Variants in PXDNL observed in about 807,000 individuals in gnomAD.
PXDNL encodes peroxidasin like, also known as probable oxidoreductase PXDNL.
Under a neutral mutation model 150.8 loss-of-function variants are expected in PXDNL, and 145 were observed. That is an observed-to-expected ratio of 0.96 (90% CI 0.84 to 1.10). PXDNL has a LOEUF of 1.10. PXDNL is among the 50% of genes least tolerant of loss of function. The pLI, the probability that PXDNL is intolerant of heterozygous loss-of-function variation, is 0.00. For missense variants in PXDNL, 2,087 were observed against 1,873.9 expected (o/e 1.11, Z -2.10); for synonymous variants, 757 against 725.7 (o/e 1.04, Z -0.69).
intron 2 of PXDNL, among the ~76,000 whole-genome samples, chr8:51,612,349 A>T: frequency 6.6e-6 from 1 of 152,072 alleles, no homozygotes; most frequent in Non-Finnish European, 1.5e-5. Flanking sequence ...TTTAATCCCT[A>T]CCTACAGATT....
chr8:51,686,529 G>C (rs369269846), intron 1 of PXDNL, among the ~76,000 whole-genome samples: 72 of 152,340 alleles, frequency 4.7e-4, no homozygotes, highest in African/African-American at 1.5e-3. Context: ...CAGGCTCCCA[G>C]ACCAGTATTT....
At chr8:51,531,347 C>G (rs914254439) in intron 4 of PXDNL, among the ~76,000 whole-genome samples, 1 of 152,160 alleles carries the variant, frequency 6.6e-6, no homozygotes, top group Middle Eastern at 3.2e-3. Context: ...GCTTGCTTGG[C>G]TCTTATTAAA....
At chr8:51,383,004 A>G (rs1412363612) in intron 17 of PXDNL, among the ~76,000 whole-genome samples, 4 of 152,158 alleles carry the variant, frequency 2.6e-5, no homozygotes, top group Non-Finnish European at 5.9e-5. Context: ...ATGGCTCACC[A>G]CAGCAGCTCC....
rs187917323 is a variant in PXDNL, at chr8:51,755,971, G to T, written c.164+53210C>A. ...TGCGGTTTTTGCTATTGCTTTCAAT[G>T]GAATTAGAAATTCTAAGGACAGGTT... On this transcript the variant is annotated intron_variant, in intron 1 of 22. Transcript: ENST00000356297. 1.4e-3 allele frequency among the ~76,000 whole-genome samples: 211 copies of T among 152,074 alleles called. 1 individual carries two copies. Among genetic ancestry groups the T allele is most frequent in the African/African-American group, 4.9e-3 (202 of 41,472 alleles).
rs1814372555 is a variant in PXDNL at position 51,626,971 on chromosome 8, T to C, written c.236+27718A>G. On this transcript the variant is annotated intron_variant, in intron 2 of 22. Coordinates refer to ENST00000356297, the MANE Select transcript of PXDNL (RefSeq NM_144651.5). Reference sequence around the variant, plus strand: ...TCTTGAGGTTGCCCAGTCATACTTATATTGAATCCATATTTTCTCACAATA... The same window carrying C: ...TCTTGAGGTTGCCCAGTCATACTTACATTGAATCCATATTTTCTCACAATA... Among the ~76,000 whole-genome samples, 4 of 152,304 alleles carry C rather than the reference T, an allele frequency of 2.6e-5. No individual in the cohort carries two copies. The South Asian group carries it at 6.2e-4, about 24-fold the overall frequency.
At chr8:51,755,407 G>T in intron 1 of PXDNL, among the ~76,000 whole-genome samples, 1 of 151,750 alleles carries the variant, frequency 6.6e-6, no homozygotes, top group East Asian at 1.9e-4. Context: ...CAATTCTCCT[G>T]CCTCAGCCTC....
chr8:51,392,607 T>G (rs1807947660), intron 17 of PXDNL, among the ~76,000 whole-genome samples: 1 of 152,242 alleles, frequency 6.6e-6, no homozygotes, highest in African/African-American at 2.4e-5. Flanking sequence ...GAGACTTCAC[T>G]GAAGTTGCTT....
chr8:51,367,063 T>C (rs1471532136), intron 19 of PXDNL, among the ~76,000 whole-genome samples: 2 of 123,728 alleles, frequency 1.6e-5, no homozygotes, highest in East Asian at 2.5e-4. Flanking sequence ...ATCACACCAC[T>C]GCACTCCAGC....
At chr8:51,609,062 G>T (rs1046491476) in intron 2 of PXDNL, among the ~76,000 whole-genome samples, 3 of 152,118 alleles carry the variant, frequency 2.0e-5, no homozygotes, top group South Asian at 2.1e-4. Flanking sequence ...TCTCACAAAG[G>T]CATCTTTAAG....
intron 11 of PXDNL, among the ~76,000 whole-genome samples, chr8:51,448,578 A>C (rs1348440004): frequency 6.6e-6 from 1 of 151,894 alleles, no homozygotes; most frequent in Non-Finnish European, 1.5e-5. Context: ...GGTGGCGGGC[A>C]CCTGTAGTCC....
At chr8:51,369,024 T>C (rs1023470847) in intron 19 of PXDNL, among the ~76,000 whole-genome samples, 19 of 151,918 alleles carry the variant, frequency 1.3e-4, no homozygotes, top group African/African-American at 4.6e-4. Flanking sequence ...AATAAATAAA[T>C]AAATCATTTA....
intron 1 of PXDNL, among the ~76,000 whole-genome samples, chr8:51,803,189 CT>C (rs1234818388): frequency 2.0e-5 from 3 of 152,196 alleles, no homozygotes; most frequent in Admixed American, 6.5e-5. Context: ...GCTGGGTTCC[CT>C]GCCTCCCAGA....
chr8:51,733,864 GAT>G (rs1816984168), intron 1 of PXDNL, among the ~76,000 whole-genome samples: 1 of 145,666 alleles, frequency 6.9e-6, no homozygotes, highest in Non-Finnish European at 1.5e-5. Flanking sequence ...TATGATATAT[GAT>G]ATATTTTATA....
intron 12 of PXDNL, among the ~76,000 whole-genome samples, chr8:51,434,053 G>C (rs1809327766): frequency 6.6e-6 from 1 of 151,918 alleles, no homozygotes; most frequent in East Asian, 1.9e-4. Flanking sequence ...ATAATCTTTA[G>C]CCCTCATTCT....
intron 1 of PXDNL, among the ~76,000 whole-genome samples, chr8:51,781,473 C>T (rs1286522725): frequency 5.3e-5 from 8 of 152,202 alleles, no homozygotes; most frequent in Non-Finnish European, 1.0e-4. Context: ...GGAGATACAT[C>T]AGCTTTCTGG....
intron 8 of PXDNL, among the ~76,000 whole-genome samples, chr8:51,469,925 T>A (rs1242066618): frequency 6.6e-6 from 1 of 152,092 alleles, no homozygotes; most frequent in Admixed American, 6.5e-5. Flanking sequence ...ATACTTTTCT[T>A]TATTCTATTC....
At chr8:51,633,882 A>G (rs953470457) in intron 2 of PXDNL, among the ~76,000 whole-genome samples, 1 of 152,134 alleles carries the variant, frequency 6.6e-6, no homozygotes, top group Non-Finnish European at 1.5e-5. Flanking sequence ...TCTGAATACT[A>G]GACTGTTATT....
intron 1 of PXDNL, among the ~76,000 whole-genome samples, chr8:51,789,131 T>G (rs2037486880): frequency 6.6e-6 from 1 of 152,110 alleles, no homozygotes; most frequent in Admixed American, 6.5e-5. Flanking sequence ...AAGACAAATT[T>G]CAGGTTCTCA....
intron 1 of PXDNL, among the ~76,000 whole-genome samples, chr8:51,744,434 G>T (rs13259567): frequency 0.96 from 144,284 of 150,480 alleles, 69,477 homozygotes; most frequent in East Asian, 1. Context: ...TTGGGAGGCC[G>T]AGGTGGATAG....
Sources: allele counts gnomAD v4.1 joint callset (sites outside exome capture counted in the v4.1 genomes callset), GRCh38; gene constraint gnomAD v4.1.1; transcripts MANE v1.5; gene names NCBI Gene and HGNC (gene_info 2026-07-23, HGNC 2026-07-21).